Variants in MYO3B observed in about 807,000 individuals in gnomAD.
MYO3B encodes the protein myosin IIIB, also known as myosin-IIIb.
MYO3B carries 156 observed loss-of-function variants against 174.6 expected under a neutral mutation model. That is an observed-to-expected ratio of 0.89 (90% CI 0.78 to 1.02). The LOEUF (loss-of-function observed/expected upper bound fraction) is 1.02, where lower values mean the gene tolerates loss of function less well. Among genes scored for constraint, MYO3B ranks in the 50% least tolerant of loss-of-function variants. The pLI is 0.00. For missense variants in MYO3B, 1,632 were observed against 1,639.4 expected, an observed-to-expected ratio of 1.00 and a Z score of 0.08; for synonymous variants, 563 against 569.1, an observed-to-expected ratio of 0.99 and a Z score of 0.15.
rs767657644 is a variant in MYO3B, at chr2:170,383,136, G to A, written c.1132G>A (p.Asp378Asn). 1.9e-6 allele frequency: 3 copies of A among 1,613,344 alleles called. No homozygotes were observed. Among genetic ancestry groups the A allele is most frequent in the East Asian group, 4.5e-5 (2 of 44,786 alleles). Residue 378 changes from aspartate (D) to asparagine (N), a missense_variant, in exon 11 of 35, where the codon GAC (aspartate) becomes AAC (asparagine). By Grantham distance (23) the Asp-to-Asn change is conservative. Transcript: ENST00000408978. ...ADLLIYTYVG[D>N]ILIALNPFQN... ...CTTGCTAATTTACACATATGTTGGA[G>A]ACATCTTAATTGCCTTAAACCCCTT...
At chr2:170,358,902 C>G (rs2094141761) in intron 8 of MYO3B, among the ~76,000 whole-genome samples, 1 of 152,152 alleles carries the variant, frequency 6.6e-6, no homozygotes, top group African/African-American at 2.4e-5. Context: ...GCTATCAGTT[C>G]TATTTTCGCT....
At chr2:170,454,165 C>T (rs935119771) in intron 23 of MYO3B, among the ~76,000 whole-genome samples, 10 of 152,206 alleles carry the variant, frequency 6.6e-5, no homozygotes, top group Non-Finnish European at 1.3e-4. Context: ...AACTAACCTC[C>T]TATTCTCCAT....
At chr2:170,596,576 C>T (rs1329174156) in intron 32 of MYO3B, among the ~76,000 whole-genome samples, 1 of 152,230 alleles carries the variant, frequency 6.6e-6, no homozygotes, top group African/African-American at 2.4e-5. Flanking sequence ...ATTCTGACTA[C>T]ATGTTTTCTC....
chr2:170,189,008 C>T (rs1002770112), intron 1 of MYO3B, among the ~76,000 whole-genome samples: 3 of 152,080 alleles, frequency 2.0e-5, no homozygotes, highest in Admixed American at 2.0e-4. Context: ...GAAGAACTCC[C>T]TTTAGCATTT....
chr2:170,493,360 A>AT lies in MYO3B; in HGVS notation c.3015-5230dup, dbSNP rs573377100. ...TGTTTTTTTTCCCCTTGCATCAAAA[A>AT]TTAAACTTCATTAGCTGGAGTCTTG... On this transcript the variant is annotated intron_variant, in intron 25 of 34. Transcript: ENST00000408978. Among the ~76,000 whole-genome samples the AT allele has an allele frequency of 7.2e-5, 11 of 152,312 alleles. No individual in the cohort carries two copies. In the South Asian group the frequency reaches 2.3e-3, roughly 32 times the overall value.
intron 32 of MYO3B, among the ~76,000 whole-genome samples, chr2:170,584,600 A>T (rs185833462): frequency 6.6e-6 from 1 of 152,246 alleles, no homozygotes; most frequent in Non-Finnish European, 1.5e-5. Flanking sequence ...AAAGAATTGC[A>T]TAAGTGCCAG....
intron 8 of MYO3B, among the ~76,000 whole-genome samples, chr2:170,351,525 G>A (rs990780613): frequency 2.6e-5 from 4 of 152,030 alleles, no homozygotes; most frequent in Non-Finnish European, 5.9e-5. Context: ...ATAAGACCAT[G>A]GGACAGCAGC....
At chr2:170,630,737 C>A (rs932030643) in intron 32 of MYO3B, among the ~76,000 whole-genome samples, 1 of 152,044 alleles carries the variant, frequency 6.6e-6, no homozygotes, top group African/African-American at 2.4e-5. Context: ...TGTTCTGCAG[C>A]CTCCGCTGCT....
intron 24 of MYO3B, among the ~76,000 whole-genome samples, chr2:170,466,038 T>C (rs1684607029): frequency 6.6e-6 from 1 of 152,174 alleles, no homozygotes; most frequent in South Asian, 2.1e-4. Context: ...CTTTGCCTTG[T>C]TTTTGTATTT....
At chr2:170,601,402 G>A (rs963459949) in intron 32 of MYO3B, among the ~76,000 whole-genome samples, 3 of 152,160 alleles carry the variant, frequency 2.0e-5, no homozygotes, top group Non-Finnish European at 4.4e-5. Flanking sequence ...TACCAGGCAA[G>A]GTTAGTGGCT....
intron 14 of MYO3B, among the ~76,000 whole-genome samples, chr2:170,388,865 G>T (rs2094393685): frequency 6.6e-6 from 1 of 152,024 alleles, no homozygotes; most frequent in Non-Finnish European, 1.5e-5. Context: ...AGTAGGGACT[G>T]GCATGAACAT....
At chr2:170,294,907 C>A (rs1328181959) in intron 7 of MYO3B, among the ~76,000 whole-genome samples, 1 of 151,804 alleles carries the variant, frequency 6.6e-6, no homozygotes, top group Non-Finnish European at 1.5e-5. Flanking sequence ...ATTGCTGTAC[C>A]TTCTGCTCAA....
chr2:170,584,560 C>T (rs918714215), intron 32 of MYO3B, among the ~76,000 whole-genome samples: 1 of 152,128 alleles, frequency 6.6e-6, no homozygotes, highest in Non-Finnish European at 1.5e-5. Flanking sequence ...CATGTTTTTT[C>T]CCCCATTAAG....
chr2:170,509,107 C>A (rs937564226), intron 28 of MYO3B, among the ~76,000 whole-genome samples: 19 of 152,214 alleles, frequency 1.2e-4, no homozygotes, highest in African/African-American at 4.1e-4. Context: ...ATATAATCCC[C>A]GCACTTTGGG....
At chr2:170,363,088 C>T (rs562974016) in intron 8 of MYO3B, among the ~76,000 whole-genome samples, 12 of 152,238 alleles carry the variant, frequency 7.9e-5, no homozygotes, top group East Asian at 1.9e-4. Context: ...GTGAATCACA[C>T]GGCAGGGAAA....
At chr2:170,585,740 G>T (rs1693461855) in intron 32 of MYO3B, among the ~76,000 whole-genome samples, 1 of 152,128 alleles carries the variant, frequency 6.6e-6, no homozygotes, top group Non-Finnish European at 1.5e-5. Context: ...AGTTCTTGGA[G>T]TTGGAAACCA....
chr2:170,182,774 C>A (rs1229545385), intron 1 of MYO3B, among the ~76,000 whole-genome samples: 3 of 151,792 alleles, frequency 2.0e-5, no homozygotes, highest in African/African-American at 7.3e-5. Context: ...CCACACCCGG[C>A]TAAGTTTTCT....
chr2:170,227,341 G>A (rs181127254), intron 6 of MYO3B, among the ~76,000 whole-genome samples: 10 of 152,312 alleles, frequency 6.6e-5, no homozygotes, highest in Non-Finnish European at 1.3e-4. Context: ...CTGGAGTGTG[G>A]TGGTGTGATT....
At chr2:170,628,793 G>T (rs925906285) in intron 32 of MYO3B, among the ~76,000 whole-genome samples, 1 of 152,186 alleles carries the variant, frequency 6.6e-6, no homozygotes, top group Admixed American at 6.5e-5. Context: ...CATCTTTTGT[G>T]AAGCTTTAGT....
Sources: gnomAD v4.1 joint callset for allele counts (sites outside exome capture counted in the v4.1 genomes callset) on GRCh38, gnomAD v4.1.1 for gene constraint, MANE v1.5 for transcripts, NCBI Gene and HGNC (gene_info 2026-07-23, HGNC 2026-07-21) for gene names.